The following PCSK6 variants were observed in gnomAD, a reference collection of about 807,000 sequenced individuals.
The protein encoded by PCSK6 is paired basic amino acid cleaving enzyme 4.
PCSK6 carries 85 observed loss-of-function variants against 123.3 expected under a neutral mutation model. The ratio of observed to expected loss-of-function variants is 0.69; its 90% CI spans 0.58 to 0.83. PCSK6 has a LOEUF of 0.83. Ranked by LOEUF, PCSK6 falls within the 40% of genes least tolerant of loss-of-function variation. PCSK6 has a pLI of 0.00. For synonymous variants in PCSK6, 508 were observed against 516.0 expected, an observed-to-expected ratio of 0.98 and a Z score of 0.21; for missense variants, 1,191 against 1,282.3, an observed-to-expected ratio of 0.93 and a Z score of 1.09.
chr15:101,488,521 C>T (rs2058074928), intron 1 of PCSK6, among the ~76,000 whole-genome samples: 1 of 152,144 alleles, frequency 6.6e-6, no homozygotes, highest in Non-Finnish European at 1.5e-5. Context: ...CCGTGGGGGC[C>T]GGTGAGGGTC....
chr15:101,465,921 G>C (rs1202428582), intron 1 of PCSK6, among the ~76,000 whole-genome samples: 3 of 152,052 alleles, frequency 2.0e-5, no homozygotes, highest in South Asian at 2.1e-4. Flanking sequence ...GGTTGGGGAG[G>C]GGCAGGGGTG....
intron 1 of PCSK6, among the ~76,000 whole-genome samples, chr15:101,456,247 T>TCACCAAGACTG (rs71154333): frequency 6.6e-6 from 1 of 151,644 alleles, no homozygotes; most frequent in African/African-American, 2.4e-5. Context: ...ACGTGCTGAT[T>TCACCAAGACTG]CACGTAACAG....
intron 2 of PCSK6, among the ~76,000 whole-genome samples, chr15:101,442,446 A>T (rs1192873213): frequency 6.6e-6 from 1 of 152,140 alleles, no homozygotes; most frequent in Non-Finnish European, 1.5e-5. Context: ...CATATGCTTC[A>T]AATCAAAACC....
chr15:101,415,475 T>C (rs1994967), intron 6 of PCSK6, among the ~76,000 whole-genome samples: 43,743 of 152,174 alleles, frequency 0.29, 6,502 homozygotes, highest in African/African-American at 0.36. Flanking sequence ...TTTGTAAATG[T>C]TTACTCAAGT....
rs538519277 is a variant in PCSK6, at chr15:101,362,477, G to C, written c.1858+3719C>G. ...GATGAGATCCCTGGATGGGAACAAA[G>C]AGCAGAGGACCCAGGAGTGCGTGCA... On this transcript the variant is annotated intron_variant, in intron 13 of 21. Coordinates refer to ENST00000611716, the MANE Select transcript of PCSK6 (RefSeq NM_002570.5). 4.5e-4 allele frequency among the ~76,000 whole-genome samples: 68 copies of C among 152,278 alleles called. No homozygotes were observed. In the Middle Eastern group the frequency reaches 0.01, roughly 23 times the overall value.
intron 1 of PCSK6, among the ~76,000 whole-genome samples, chr15:101,467,379 C>A (rs372740896): frequency 6.6e-6 from 1 of 151,782 alleles, no homozygotes; most frequent in East Asian, 1.9e-4. Flanking sequence ...TCAAGCAATT[C>A]TCCTGCCTCA....
At chr15:101,405,684 T>C (rs1161877175) in intron 6 of PCSK6, among the ~76,000 whole-genome samples, 51 of 147,058 alleles carry the variant, frequency 3.5e-4, no homozygotes, top group Admixed American at 3.4e-3. Context: ...TTAGTGAAGC[T>C]AAAAAAAAAA....
At chr15:101,307,137 C>G in intron 21 of PCSK6, 76 bp downstream of exon 21, 2 of 1,111,838 alleles carry the variant, frequency 1.8e-6, no homozygotes, top group Non-Finnish European at 2.7e-6. Context: ...TGTGGCTTTG[C>G]TTTTCTCTTT....
At chr15:101,428,642 G>T (rs930260707) in intron 5 of PCSK6, among the ~76,000 whole-genome samples, 5 of 152,236 alleles carry the variant, frequency 3.3e-5, no homozygotes, top group Admixed American at 3.3e-4. Flanking sequence ...CGTCGGGTCA[G>T]TTCCTCCAGC....
intron 7 of PCSK6, among the ~76,000 whole-genome samples, chr15:101,397,903 A>G (rs566688366): frequency 5.9e-5 from 9 of 152,220 alleles, no homozygotes; most frequent in African/African-American, 2.2e-4. Context: ...GGAGAAGTTC[A>G]AAGTGGGCTG....
intron 1 of PCSK6, among the ~76,000 whole-genome samples, chr15:101,447,545 C>T (rs540558307): frequency 3.3e-5 from 5 of 152,156 alleles, no homozygotes; most frequent in East Asian, 1.9e-4. Context: ...TACAGATACA[C>T]GAGTAGGGTT....
At chr15:101,448,824 TC>T (rs1034342561) in intron 1 of PCSK6, among the ~76,000 whole-genome samples, 1 of 152,232 alleles carries the variant, frequency 6.6e-6, no homozygotes, top group Non-Finnish European at 1.5e-5. Flanking sequence ...GCAGGTTCTT[TC>T]CCAGAGAACC....
chr15:101,361,392 C>T lies in PCSK6; in HGVS notation c.1858+4804G>A, dbSNP rs141216000. ...AATTTTTATTCCTCCCCATTCTCAT[C>T]CCCTGCCTTTATGTTTCTGTAGGAG... On this transcript the variant is annotated intron_variant, in intron 13 of 21. Coordinates refer to ENST00000611716, the MANE Select transcript of PCSK6 (RefSeq NM_002570.5). 5.5e-3 allele frequency among the ~76,000 whole-genome samples: 333 copies of T among 61,030 alleles called. 1 individual carries two copies. The highest frequency in any genetic ancestry group is 0.024 in the Middle Eastern group (3 of 126). The allele number at this position is 61,030 out of a possible 152,430, so 40.0% of individuals were successfully genotyped here. A position where few individuals can be genotyped will look rare whatever the true frequency, so the allele number is the denominator to read the frequency against.
intron 11 of PCSK6, among the ~76,000 whole-genome samples, chr15:101,377,358 A>C (rs2041779433): frequency 2.0e-5 from 3 of 152,290 alleles, no homozygotes; most frequent in South Asian, 4.2e-4. Context: ...TCATTGGCTC[A>C]GTACCGCCTG....
intron 11 of PCSK6, among the ~76,000 whole-genome samples, chr15:101,374,641 A>G (rs558880114): frequency 3.2e-4 from 49 of 152,350 alleles, no homozygotes; most frequent in African/African-American, 1.2e-3. Context: ...AGGAGAGGCT[A>G]AAGAACTGAG....
intron 1 of PCSK6, among the ~76,000 whole-genome samples, chr15:101,454,980 GAATA>G (rs869105490): frequency 6.3e-4 from 62 of 97,936 alleles, no homozygotes; most frequent in African/African-American, 1.3e-3. Flanking sequence ...ATGAATGAAT[GAATA>G]AATAAATAAA....
intron 1 of PCSK6, among the ~76,000 whole-genome samples, chr15:101,487,966 T>C (rs890894168): frequency 6.6e-6 from 1 of 152,118 alleles, no homozygotes; most frequent in African/African-American, 2.4e-5. Flanking sequence ...TATATATGCA[T>C]ATATTTAAAA....
chr15:101,431,305 C>T lies in PCSK6; in HGVS notation c.657+15G>A, dbSNP rs911571368. 5.0e-6 allele frequency: 8 copies of T among 1,613,618 alleles called. No individual in the cohort carries two copies. Among genetic ancestry groups the T allele is most frequent in the South Asian group, 2.2e-5 (2 of 91,048 alleles). ...GTTGAATATATTTGCATGTCAGTTC[C>T]GAGGATTGACTTACATAATTTGGGG... On this transcript the variant is annotated intron_variant, in intron 4 of 21. Coordinates refer to ENST00000611716, the MANE Select transcript of PCSK6 (RefSeq NM_002570.5).
intron 11 of PCSK6, among the ~76,000 whole-genome samples, chr15:101,377,856 G>T (rs990400370): frequency 1.3e-5 from 2 of 152,188 alleles, no homozygotes; most frequent in African/African-American, 4.8e-5. Flanking sequence ...TAAAAGACAG[G>T]CCAAGCTAAA....
Sources: gnomAD v4.1 joint callset for allele counts (sites outside exome capture counted in the v4.1 genomes callset) on GRCh38, gnomAD v4.1.1 for gene constraint, MANE v1.5 for transcripts, NCBI Gene and HGNC (gene_info 2026-07-23, HGNC 2026-07-21) for gene names.